The following FSD1L variants were observed in gnomAD, a reference collection of about 807,000 sequenced individuals.
The protein encoded by FSD1L is FSD1-like protein.
Under a neutral mutation model 71.6 loss-of-function variants are expected in FSD1L, and 45 were observed. The ratio of observed to expected loss-of-function variants is 0.63; its 90% CI spans 0.49 to 0.81. FSD1L has a LOEUF of 0.81. Among genes scored for constraint, FSD1L ranks in the 30% least tolerant of loss-of-function variants. The pLI, the probability that FSD1L is intolerant of heterozygous loss-of-function variation, is 0.00. For synonymous variants in FSD1L, 197 were observed against 207.2 expected (o/e 0.95, Z 0.42); for missense variants, 561 against 618.1 (o/e 0.91, Z 0.98).
chr9:105,533,990 G>C (rs926126883), intron 10 of FSD1L, among the ~76,000 whole-genome samples: 3 of 152,134 alleles, frequency 2.0e-5, no homozygotes, highest in African/African-American at 4.8e-5. Flanking sequence ...CTCCCAAAGT[G>C]CTGGGATTAC....
rs112827314 is a variant in FSD1L at position 105,525,360 on chromosome 9, T to C, written c.1026-9133T>C. 47 of 1,592,496 alleles carry C rather than the reference T, an allele frequency of 3.0e-5. No individual in the cohort carries two copies. The African/African-American group carries it at 5.0e-4, about 17-fold the overall frequency. ...TACAGAGAACTGGAATCTCACTTAA[T>C]ATTCCTGCTCCACAACCTGTGTGCA... On this transcript the variant is annotated intron_variant, in intron 10 of 13. Transcript: ENST00000481272.
At chr9:105,510,356 T>A (rs1834322273) in intron 9 of FSD1L, among the ~76,000 whole-genome samples, 1 of 152,136 alleles carries the variant, frequency 6.6e-6, no homozygotes, top group South Asian at 2.1e-4. Flanking sequence ...GAGTCACAGA[T>A]TTTCTAGGGT....
intron 7 of FSD1L, among the ~76,000 whole-genome samples, chr9:105,500,021 C>T (rs899778909): frequency 2.6e-5 from 4 of 152,090 alleles, no homozygotes; most frequent in African/African-American, 7.2e-5. Context: ...CCTTTCTTTG[C>T]GGTTTTTTCT....
chr9:105,515,778 G>A (rs1834678102), intron 10 of FSD1L, among the ~76,000 whole-genome samples: 1 of 150,554 alleles, frequency 6.6e-6, no homozygotes, highest in South Asian at 2.1e-4. Flanking sequence ...CACCAAACTA[G>A]CTGCAGAAGG....
chr9:105,532,387 A>G (rs529485747), intron 10 of FSD1L, among the ~76,000 whole-genome samples: 1 of 152,200 alleles, frequency 6.6e-6, no homozygotes, highest in Non-Finnish European at 1.5e-5. Flanking sequence ...TTCTTACTAT[A>G]CTAGTTAATG....
In FSD1L at chr9:105,468,177, T is replaced by C; in HGVS notation, c.208-16T>C. ...TAGCGCTTCAGTAAAATTGTTTTGT[T>C]TTGTTTTTTAAACAGGAAAATTCGT... is the stretch of plus-strand genomic sequence containing the variant. On this transcript the variant is annotated splice_polypyrimidine_tract_variant and intron_variant, in intron 3 of 13. Transcript: ENST00000481272. 1 of 1,369,676 alleles carries C rather than the reference T, an allele frequency of 7.3e-7. No homozygotes were observed. 84.8% of individuals were successfully genotyped at this position (1,369,676 alleles called of 1,614,324 possible).
intron 7 of FSD1L, among the ~76,000 whole-genome samples, chr9:105,491,776 G>T (rs1161516026): frequency 6.6e-6 from 1 of 152,048 alleles, no homozygotes; most frequent in Non-Finnish European, 1.5e-5. Context: ...TTTGTCTTTG[G>T]TTCTGTTTGT....
At chr9:105,513,269 C>T (rs1834502620) in intron 10 of FSD1L, among the ~76,000 whole-genome samples, 1 of 152,096 alleles carries the variant, frequency 6.6e-6, no homozygotes, top group Admixed American at 6.5e-5. Flanking sequence ...CCTATCTTAC[C>T]TGCAGGTCTG....
At chr9:105,447,765 T>C, upstream of FSD1L, 1 of 224,258 alleles carries the variant, frequency 4.5e-6, no homozygotes, top group South Asian at 5.8e-5. Flanking sequence ...GGGTGGAGGG[T>C]GGGCTAATCC....
intron 1 of FSD1L, among the ~76,000 whole-genome samples, chr9:105,453,580 C>T (rs1280682574): frequency 3.3e-5 from 5 of 152,054 alleles, no homozygotes; most frequent in Non-Finnish European, 7.4e-5. Context: ...AATGTCTTAG[C>T]TTTCTATAGT....
chr9:105,462,772 C>G (rs958504687), intron 2 of FSD1L, among the ~76,000 whole-genome samples: 2 of 151,076 alleles, frequency 1.3e-5, no homozygotes, highest in Admixed American at 1.3e-4. Flanking sequence ...ATCCACCTGC[C>G]TGGGCCTCCC....
At chr9:105,452,478 A>ACCCATAGTT (rs1301856478) in intron 1 of FSD1L, among the ~76,000 whole-genome samples, 3 of 152,204 alleles carry the variant, frequency 2.0e-5, no homozygotes, top group Non-Finnish European at 4.4e-5. Flanking sequence ...TTTCTTTACA[A>ACCCATAGTT]CCCATAGTTT....
At chr9:105,529,008 A>C (rs1309672132) in intron 10 of FSD1L, among the ~76,000 whole-genome samples, 2 of 152,162 alleles carry the variant, frequency 1.3e-5, no homozygotes, top group African/African-American at 2.4e-5. Context: ...TAACAAAGAT[A>C]TTAAAAAAAA....
chr9:105,447,563 C>T (rs1276978212), upstream of FSD1L, among the ~76,000 whole-genome samples: 4 of 151,874 alleles, frequency 2.6e-5, no homozygotes, highest in African/African-American at 9.7e-5. Context: ...CATATTAATC[C>T]CACACCCACG....
At chr9:105,515,014 AG>A (rs1291703524) in intron 10 of FSD1L, among the ~76,000 whole-genome samples, 3 of 152,278 alleles carry the variant, frequency 2.0e-5, no homozygotes, top group African/African-American at 7.2e-5. Flanking sequence ...CCCTCCAGTA[AG>A]GGGACCTCTG....
At chr9:105,450,353 G>T (rs1359296770) in intron 1 of FSD1L, among the ~76,000 whole-genome samples, 1 of 152,176 alleles carries the variant, frequency 6.6e-6, no homozygotes, top group Non-Finnish European at 1.5e-5. Context: ...CTGAATGTTT[G>T]TTAGGCATTG....
At chr9:105,448,321 GT>G in intron 1 of FSD1L, 86 bp downstream of exon 1, 2 of 1,279,524 alleles carry the variant, frequency 1.6e-6, no homozygotes, top group Non-Finnish European at 2.1e-6. Context: ...TGGGCTGTGG[GT>G]GCGCGGGGTG....
intron 7 of FSD1L, among the ~76,000 whole-genome samples, chr9:105,505,413 A>C (rs1229845632): frequency 6.6e-6 from 1 of 152,086 alleles, no homozygotes; most frequent in East Asian, 1.9e-4. Context: ...GGCGCATGCC[A>C]CCACACCTGG....
At chr9:105,461,062 A>G (rs984604812) in intron 1 of FSD1L, among the ~76,000 whole-genome samples, 1 of 152,252 alleles carries the variant, frequency 6.6e-6, no homozygotes, top group African/African-American at 2.4e-5. Context: ...ATAATTCAAG[A>G]ATCTGGCATA....
Sources: allele counts gnomAD v4.1 joint callset (sites outside exome capture counted in the v4.1 genomes callset), GRCh38; gene constraint gnomAD v4.1.1; transcripts MANE v1.5; gene names NCBI Gene and HGNC (gene_info 2026-07-23, HGNC 2026-07-21).